Variants in CSGALNACT1 observed in about 807,000 individuals in gnomAD.
CSGALNACT1 encodes the protein chondroitin sulfate N-acetylgalactosaminyltransferase 1.
CSGALNACT1 carries 52 observed loss-of-function variants against 51.0 expected under a neutral mutation model. The ratio of observed to expected loss-of-function variants is 1.02; its 90% CI spans 0.82 to 1.29. The LOEUF (loss-of-function observed/expected upper bound fraction) is 1.29, where lower values mean the gene tolerates loss of function less well. Among genes scored for constraint, CSGALNACT1 ranks in the 50% most tolerant of loss-of-function variants. The probability of loss-of-function intolerance (pLI) is 0.00; values close to 1 mark genes in which losing one functional copy is unlikely to be tolerated. For missense variants in CSGALNACT1, 935 were observed against 679.2 expected (o/e 1.38, Z -4.19); for synonymous variants, 341 against 254.4 (o/e 1.34, Z -3.24).
chr8:19,620,996 G>A (rs796638673), intron 1 of CSGALNACT1, among the ~76,000 whole-genome samples: 17 of 152,142 alleles, frequency 1.1e-4, no homozygotes, highest in African/African-American at 3.4e-4. Context: ...ACTTAACACC[G>A]TAAAAATGTT....
chr8:19,512,197 T>C (rs2078597306), intron 3 of CSGALNACT1, among the ~76,000 whole-genome samples: 1 of 152,182 alleles, frequency 6.6e-6, no homozygotes, highest in Non-Finnish European at 1.5e-5. Flanking sequence ...GTGAGCAGCC[T>C]TGTGGAGGGG....
chr8:19,634,927 G>T (rs1481112595), intron 1 of CSGALNACT1, among the ~76,000 whole-genome samples: 4 of 152,160 alleles, frequency 2.6e-5, no homozygotes, highest in Non-Finnish European at 5.9e-5. Context: ...ATATAATGAT[G>T]ATAACACTTT....
chr8:19,550,151 T>C (rs1430689725), intron 3 of CSGALNACT1, among the ~76,000 whole-genome samples: 1 of 152,136 alleles, frequency 6.6e-6, no homozygotes, highest in African/African-American at 2.4e-5. Flanking sequence ...ACTTTGCTTT[T>C]TTAGGTTTTT....
At chr8:19,447,785 C>G (rs182804832) in intron 5 of CSGALNACT1, among the ~76,000 whole-genome samples, 1 of 152,174 alleles carries the variant, frequency 6.6e-6, no homozygotes, top group Non-Finnish European at 1.5e-5. Context: ...GATGCACACC[C>G]CTAGGGTGGG....
chr8:19,581,493 G>A (rs376556631), intron 3 of CSGALNACT1, among the ~76,000 whole-genome samples: 22 of 152,292 alleles, frequency 1.4e-4, no homozygotes, highest in African/African-American at 5.3e-4. Flanking sequence ...TTTAAAACCT[G>A]TCACTCGGGA....
intron 3 of CSGALNACT1, among the ~76,000 whole-genome samples, chr8:19,544,857 TA>T (rs894471624): frequency 5.9e-5 from 9 of 152,118 alleles, no homozygotes; most frequent in African/African-American, 1.9e-4. Flanking sequence ...ATCTGAGATA[TA>T]AAAAAAGTTC....
intron 3 of CSGALNACT1, among the ~76,000 whole-genome samples, chr8:19,562,224 A>G (rs1243767011): frequency 6.6e-6 from 1 of 152,154 alleles, no homozygotes; most frequent in Admixed American, 6.5e-5. Context: ...TGAATCTTCA[A>G]CCTTGAAAAG....
chr8:19,667,097 A>G (rs61117033), intron 1 of CSGALNACT1, among the ~76,000 whole-genome samples: 12,918 of 58,010 alleles, frequency 0.22, 3,039 homozygotes, highest in African/African-American at 0.47. Flanking sequence ...GAAAGAAAGA[A>G]AGGGAAAGAA....
At chr8:19,457,876 C>G in intron 5 of CSGALNACT1, 1 of 1,112,776 alleles carries the variant, frequency 9.0e-7, no homozygotes, top group Non-Finnish European at 1.2e-6. Context: ...GGCTTGAAAC[C>G]TTCTTGGTAT....
chr8:19,461,682 T>C (rs2065458420), intron 4 of CSGALNACT1, among the ~76,000 whole-genome samples: 1 of 150,060 alleles, frequency 6.7e-6, no homozygotes, highest in Non-Finnish European at 1.5e-5. Flanking sequence ...GCGGCCACAT[T>C]CACCATGGGG....
intron 1 of CSGALNACT1, among the ~76,000 whole-genome samples, chr8:19,634,245 T>C (rs1218825958): frequency 1.3e-5 from 2 of 152,202 alleles, no homozygotes; most frequent in East Asian, 3.8e-4. Flanking sequence ...CCTCCCAAAA[T>C]TCCTATGTTG....
In CSGALNACT1 at chr8:19,502,813, A is replaced by T. The variant is rs116108689; in HGVS notation, c.634+2388T>A. Reference sequence around the variant, plus strand: ...CTTTCTCCTTAACTAGGTGTGGATCAAAGAATTGTGAACCAGGATTGAAAA... The same window carrying T: ...CTTTCTCCTTAACTAGGTGTGGATCTAAGAATTGTGAACCAGGATTGAAAA... On this transcript the variant is annotated intron_variant, in intron 4 of 9. Coordinates refer to ENST00000454498, the Ensembl canonical transcript of CSGALNACT1. Among the ~76,000 whole-genome samples the T allele has an allele frequency of 2.1e-3, 313 of 152,216 alleles. 2 individuals carry two copies. Among genetic ancestry groups the T allele is most frequent in the African/African-American group, 7.0e-3 (291 of 41,524 alleles).
intron 5 of CSGALNACT1, among the ~76,000 whole-genome samples, chr8:19,450,582 G>A (rs111914141): frequency 7.2e-5 from 11 of 152,196 alleles, no homozygotes; most frequent in African/African-American, 2.4e-4. Flanking sequence ...ACAGTTCCAG[G>A]CATTTGATTT....
intron 1 of CSGALNACT1, among the ~76,000 whole-genome samples, chr8:19,650,267 C>G (rs1313430912): frequency 2.6e-5 from 4 of 152,046 alleles, no homozygotes; most frequent in Admixed American, 6.6e-5. Flanking sequence ...AAATCTTAGC[C>G]CCTTCAGAAG....
intron 1 of CSGALNACT1, among the ~76,000 whole-genome samples, chr8:19,752,245 T>C (rs989906884): frequency 3.3e-5 from 5 of 149,816 alleles, no homozygotes; most frequent in African/African-American, 4.9e-5. Flanking sequence ...ATATATAACC[T>C]TTCCTATGCT....
intron 8 of CSGALNACT1, among the ~76,000 whole-genome samples, chr8:19,411,844 T>G (rs1261821404): frequency 6.6e-6 from 1 of 151,822 alleles, no homozygotes; most frequent in Admixed American, 6.5e-5. Flanking sequence ...TTTTTTTTTT[T>G]TTTTTTGACG....
At chr8:19,454,095 G>C (rs971998693) in intron 5 of CSGALNACT1, among the ~76,000 whole-genome samples, 3 of 152,218 alleles carry the variant, frequency 2.0e-5, no homozygotes, top group Admixed American at 2.0e-4. Flanking sequence ...TTTAATGCCA[G>C]AATATCTACA....
chr8:19,573,055 G>A (rs78651259), intron 3 of CSGALNACT1, among the ~76,000 whole-genome samples: 3,450 of 152,302 alleles, frequency 0.023, 147 homozygotes, highest in African/African-American at 0.079. Flanking sequence ...GAAATGAACT[G>A]GAAGTGGGTT....
chr8:19,627,254 G>A (rs1041398311), intron 1 of CSGALNACT1, among the ~76,000 whole-genome samples: 2 of 152,134 alleles, frequency 1.3e-5, no homozygotes, highest in Non-Finnish European at 2.9e-5. Context: ...CCAGATGGAT[G>A]GATCTCAAGA....
Sources: gnomAD v4.1 joint callset for allele counts (sites outside exome capture counted in the v4.1 genomes callset) on GRCh38, gnomAD v4.1.1 for gene constraint, MANE v1.5 for transcripts, NCBI Gene and HGNC (gene_info 2026-07-23, HGNC 2026-07-21) for gene names.